ZDHHC2: variants seen among roughly 807,000 people sequenced by gnomAD.
The protein encoded by ZDHHC2 is zDHHC palmitoyltransferase 2, also known as palmitoyltransferase ZDHHC2.
In ZDHHC2, 51 loss-of-function variants were observed where a neutral mutation model predicts 55.6. That is an observed-to-expected ratio of 0.92 (90% CI 0.73 to 1.16). ZDHHC2 has a LOEUF of 1.16. Among genes scored for constraint, ZDHHC2 ranks in the 50% most tolerant of loss-of-function variants. ZDHHC2 has a pLI of 0.00. For missense variants in ZDHHC2, 491 were observed against 442.4 expected (o/e 1.11, Z -0.99); for synonymous variants, 199 against 152.9 (o/e 1.30, Z -2.22).
intron 2 of ZDHHC2, among the ~76,000 whole-genome samples, chr8:17,185,985 T>G (rs1805686323): frequency 6.6e-6 from 1 of 152,214 alleles, no homozygotes; most frequent in East Asian, 1.9e-4. Flanking sequence ...ACACTTGTTT[T>G]TAATGCTGTG....
intron 1 of ZDHHC2, among the ~76,000 whole-genome samples, chr8:17,166,971 C>A (rs1337428829): frequency 6.6e-6 from 1 of 152,112 alleles, no homozygotes; most frequent in African/African-American, 2.4e-5. Context: ...GTTAAAAAGG[C>A]TTTACCCTGT....
chr8:17,178,568 C>T (rs1805269332), intron 1 of ZDHHC2, among the ~76,000 whole-genome samples: 1 of 152,108 alleles, frequency 6.6e-6, no homozygotes, highest in South Asian at 2.1e-4. Context: ...CATAAGTAGC[C>T]ATGTAAGTGA....
chr8:17,200,941 A>AGG (rs1806729000), intron 6 of ZDHHC2, among the ~76,000 whole-genome samples: 1 of 152,116 alleles, frequency 6.6e-6, no homozygotes, highest in Non-Finnish European at 1.5e-5. Context: ...CCACTGTCCT[A>AGG]GCTCTGAGTA....
At chr8:17,189,785 A>G (rs935966939) in intron 3 of ZDHHC2, among the ~76,000 whole-genome samples, 22 of 152,230 alleles carry the variant, frequency 1.4e-4, no homozygotes, top group African/African-American at 4.8e-4. Context: ...GTGACATTAT[A>G]ACGGTATCAG....
intron 1 of ZDHHC2, among the ~76,000 whole-genome samples, chr8:17,167,027 A>T (rs552054885): frequency 2.0e-5 from 3 of 152,282 alleles, no homozygotes; most frequent in Middle Eastern, 3.4e-3. Context: ...ATCTACAGAA[A>T]ATTTCGTGAG....
intron 10 of ZDHHC2, among the ~76,000 whole-genome samples, chr8:17,213,952 A>G (rs549334624): frequency 9.2e-5 from 14 of 152,288 alleles, no homozygotes; most frequent in Non-Finnish European, 1.3e-4. Flanking sequence ...AAGCTGCACA[A>G]AATTGAAATA....
chr8:17,199,924 A>G (rs1021289202), intron 6 of ZDHHC2, among the ~76,000 whole-genome samples: 1 of 151,728 alleles, frequency 6.6e-6, no homozygotes, highest in African/African-American at 2.4e-5. Flanking sequence ...TCACCTGGCT[A>G]ATTTTTGTAC....
intron 6 of ZDHHC2, among the ~76,000 whole-genome samples, chr8:17,199,393 C>T (rs971055087): frequency 6.6e-6 from 1 of 151,578 alleles, no homozygotes; most frequent in Non-Finnish European, 1.5e-5. Context: ...TTCTTTTGCC[C>T]CCCTGCCCCC....
chr8:17,177,921 T>C (rs563799454), intron 1 of ZDHHC2, among the ~76,000 whole-genome samples: 5 of 152,258 alleles, frequency 3.3e-5, no homozygotes, highest in African/African-American at 1.2e-4. Context: ...AGATTGAATT[T>C]GAAGACAAGA....
At chr8:17,207,915 C>T in intron 7 of ZDHHC2, 45 bp from the exon 8 acceptor site, 1 of 1,364,750 alleles carries the variant, frequency 7.3e-7, no homozygotes, top group African/African-American at 1.5e-5. Context: ...TAGGGGAATA[C>T]ATATCCCTTT....
chr8:17,158,517 G>T (rs1405631444), intron 1 of ZDHHC2, among the ~76,000 whole-genome samples: 2 of 152,236 alleles, frequency 1.3e-5, no homozygotes, highest in Non-Finnish European at 2.9e-5. Context: ...AAGGATGTCT[G>T]CTCCTAGCTG....
At chr8:17,191,356 C>G (rs147175774) in intron 3 of ZDHHC2, among the ~76,000 whole-genome samples, 3,504 of 152,300 alleles carry the variant, frequency 0.023, 62 homozygotes, top group Middle Eastern at 0.051. Context: ...CTTGGCCTCC[C>G]AAAGTGCTGG....
At chr8:17,170,363 A>T (rs1403729291) in intron 1 of ZDHHC2, among the ~76,000 whole-genome samples, 1 of 152,220 alleles carries the variant, frequency 6.6e-6, no homozygotes, top group Non-Finnish European at 1.5e-5. Flanking sequence ...ATTTGATTTC[A>T]TCTCTTCCGG....
chr8:17,180,715 A>T (rs191828027), intron 1 of ZDHHC2, among the ~76,000 whole-genome samples: 1 of 152,336 alleles, frequency 6.6e-6, no homozygotes, highest in East Asian at 1.9e-4. Flanking sequence ...AATAAGTGGG[A>T]TAGCTTATGT....
At position 17,224,636 on chromosome 8, in the gene ZDHHC2, A is replaced by T. The variant is rs1808051555; in HGVS notation, c.*4415A>T. ...AATGCTTCAAGGTAAAATTCCGTTGATTCTGAATTTAAAAAGATACTACAG... is the reference window on the plus strand; with the variant it reads ...AATGCTTCAAGGTAAAATTCCGTTGTTTCTGAATTTAAAAAGATACTACAG... On this transcript the variant is annotated 3_prime_UTR_variant, in exon 13 of 13. Coordinates refer to ENST00000262096, the MANE Select transcript of ZDHHC2 (RefSeq NM_016353.5). 6.6e-6 allele frequency: 1 copy of T among 151,702 alleles called. No individual in the cohort carries two copies. Among genetic ancestry groups the T allele is most frequent in the African/African-American group, 2.4e-5 (1 of 41,398 alleles). The allele number at this position is 151,702 out of a possible 1,614,324, so 9.4% of individuals were successfully genotyped here. A position where few individuals can be genotyped will look rare whatever the true frequency, so the allele number is the denominator to read the frequency against.
intron 6 of ZDHHC2, among the ~76,000 whole-genome samples, chr8:17,199,494 T>G (rs62497328): frequency 0.55 from 57,412 of 105,060 alleles, 15,880 homozygotes; most frequent in Non-Finnish European, 0.66. Context: ...CTTCTTCTTC[T>G]TCTTCTTCTT....
rs1057068999 is a variant in ZDHHC2 at position 17,220,985 on chromosome 8, T to C, written c.*764T>C. On this transcript the variant is annotated 3_prime_UTR_variant, in exon 13 of 13. Coordinates refer to ENST00000262096, the MANE Select transcript of ZDHHC2 (RefSeq NM_016353.5). ...TCTTGTTAAATTGGGAGGAAATTTA[T>C]GATAGCAATTATGAAGATTGTTTTA... The C allele has an allele frequency of 7.2e-5, 11 of 152,224 alleles. No homozygotes were observed. The highest frequency in any genetic ancestry group is 2.7e-4 in the African/African-American group (11 of 41,446). The allele number at this position is 152,224 out of a possible 1,614,324, so 9.4% of individuals were successfully genotyped here. A position where few individuals can be genotyped will look rare whatever the true frequency, so the allele number is the denominator to read the frequency against.
At chr8:17,156,881 C>T in intron 1 of ZDHHC2, 28 bp downstream of exon 1, 5 of 1,480,514 alleles carry the variant, frequency 3.4e-6, no homozygotes, top group Non-Finnish European at 4.5e-6. Context: ...CGCGGCGCCC[C>T]CAGCGCAGCG....
At chr8:17,201,386 A>G (rs549712524) in intron 6 of ZDHHC2, among the ~76,000 whole-genome samples, 19 of 149,862 alleles carry the variant, frequency 1.3e-4, no homozygotes, top group African/African-American at 3.7e-4. Flanking sequence ...ATCTTTTTCT[A>G]CAGGCTTTGT....
Sources: gnomAD v4.1 joint callset for allele counts (sites outside exome capture counted in the v4.1 genomes callset) on GRCh38, gnomAD v4.1.1 for gene constraint, MANE v1.5 for transcripts, NCBI Gene and HGNC (gene_info 2026-07-23, HGNC 2026-07-21) for gene names.